Variants in ERGIC1 observed in about 807,000 individuals in gnomAD.
ERGIC1 encodes endoplasmic reticulum-golgi intermediate compartment 1.
ERGIC1 carries 19 observed loss-of-function variants against 38.3 expected under a neutral mutation model. That is an observed-to-expected ratio of 0.50 (90% CI 0.35 to 0.73). The LOEUF (loss-of-function observed/expected upper bound fraction) is 0.73, where lower values mean the gene tolerates loss of function less well. ERGIC1 is among the 30% of genes least tolerant of loss of function. The pLI is 0.01. For synonymous variants in ERGIC1, 124 were observed against 157.6 expected (o/e 0.79, Z 1.60); for missense variants, 294 against 389.2 (o/e 0.76, Z 2.06).
intron 7 of ERGIC1, 97 bp from the exon 8 acceptor site, chr5:172,932,339 C>A: frequency 1.6e-6 from 2 of 1,235,736 alleles, no homozygotes; most frequent in Non-Finnish European, 2.3e-6. Flanking sequence ...AGCCCCCTGC[C>A]GTGCCCAGGG....
In ERGIC1 at chr5:172,952,141, C is replaced by T. The variant is rs1764244206; in HGVS notation, c.*1325C>T. ...TGCCCTCATGTCCCAGGGAGAGAGC[C>T]ACACGCCTGTTTTCCATTTATAGCA... On this transcript the variant is annotated 3_prime_UTR_variant, in exon 10 of 10. Transcript: ENST00000393784. 6.6e-6 allele frequency: 1 copy of T among 152,196 alleles called. No homozygotes were observed. The highest frequency in any genetic ancestry group is 1.5e-5 in the Non-Finnish European group (1 of 68,046). The allele number at this position is 152,196 out of a possible 1,614,324, so 9.4% of individuals were successfully genotyped here. A position where few individuals can be genotyped will look rare whatever the true frequency, so the allele number is the denominator to read the frequency against.
At chr5:172,855,483 C>T (rs1761523882) in intron 1 of ERGIC1, among the ~76,000 whole-genome samples, 1 of 152,204 alleles carries the variant, frequency 6.6e-6, no homozygotes, top group African/African-American at 2.4e-5. Flanking sequence ...CTGGCTGACC[C>T]CACAGACATG....
In ERGIC1 at chr5:172,926,630, G is replaced by A; in HGVS notation, c.541+61G>A. On this transcript the variant is annotated intron_variant, in intron 7 of 9. Coordinates refer to ENST00000393784, the MANE Select transcript of ERGIC1 (RefSeq NM_001031711.3). This position sits in a 1 kb window ranked among gnomAD's most constrained non-coding sequence, Gnocchi z 5.2. ...AGATGCCCAGTACAGCAGGCAGGGA[G>A]GGGGAGGGCAGAGAGGTGGGGGTGC... 6.9e-6 allele frequency: 11 copies of A among 1,588,868 alleles called. No homozygotes were observed. The South Asian group carries it at 9.9e-5, about 14-fold the overall frequency.
At chr5:172,857,094 C>T (rs774679358) in intron 1 of ERGIC1, among the ~76,000 whole-genome samples, 8 of 152,186 alleles carry the variant, frequency 5.3e-5, no homozygotes, top group Non-Finnish European at 7.3e-5. Flanking sequence ...ACATGATGTA[C>T]GCTGAAGTTC....
chr5:172,859,919 A>G (rs958488676), intron 1 of ERGIC1, among the ~76,000 whole-genome samples: 1 of 152,068 alleles, frequency 6.6e-6, no homozygotes, highest in Non-Finnish European at 1.5e-5. Context: ...TATTTTTCCA[A>G]CTGTTTCTTG....
intron 5 of ERGIC1, among the ~76,000 whole-genome samples, chr5:172,920,744 G>A (rs200356225): frequency 1.3e-5 from 2 of 152,176 alleles, no homozygotes; most frequent in Non-Finnish European, 2.9e-5. Flanking sequence ...CGGAGCACGC[G>A]GCCCAGGCCC....
chr5:172,945,347 T>C (rs1309991129), intron 9 of ERGIC1, among the ~76,000 whole-genome samples: 1 of 152,200 alleles, frequency 6.6e-6, no homozygotes, highest in East Asian at 1.9e-4. Flanking sequence ...TTAGAGTGCG[T>C]GGGCCCCCAG....
chr5:172,925,230 T>A lies in ERGIC1; in HGVS notation c.480+1121T>A, dbSNP rs2113454592. ...TCCAGCCTGGGAGAAAGAGTAAGAC[T>A]CCTCCCAAAAAAAGAAAAAATAAAA... On this transcript the variant is annotated intron_variant, in intron 6 of 9. Transcript: ENST00000393784. Among the ~76,000 whole-genome samples the A allele has an allele frequency of 2.0e-5, 3 of 150,778 alleles. No individual in the cohort carries two copies. In the South Asian group the frequency reaches 6.4e-4, roughly 32 times the overall value.
chr5:172,886,444 C>T (rs887246077), intron 1 of ERGIC1, among the ~76,000 whole-genome samples: 1 of 152,136 alleles, frequency 6.6e-6, no homozygotes, highest in African/African-American at 2.4e-5. Flanking sequence ...TAATCCAGCA[C>T]CTCGTGATGA....
At chr5:172,858,364 G>A (rs1159325082) in intron 1 of ERGIC1, among the ~76,000 whole-genome samples, 1 of 152,222 alleles carries the variant, frequency 6.6e-6, no homozygotes, top group Admixed American at 6.5e-5. Context: ...CCCTTACAGG[G>A]TGGTGAGCAG....
At chr5:172,860,806 G>A (rs752576035) in intron 1 of ERGIC1, among the ~76,000 whole-genome samples, 2 of 152,180 alleles carry the variant, frequency 1.3e-5, no homozygotes, top group African/African-American at 2.4e-5. Flanking sequence ...TGTTAGCCAC[G>A]CCTGTGTTTC....
At chr5:172,939,694 T>A (rs959583325) in intron 9 of ERGIC1, among the ~76,000 whole-genome samples, 1 of 152,228 alleles carries the variant, frequency 6.6e-6, no homozygotes, top group Non-Finnish European at 1.5e-5. Context: ...ATCATTAGCC[T>A]GGTGGTTCTT....
At chr5:172,888,335 C>G (rs1175129543) in intron 1 of ERGIC1, among the ~76,000 whole-genome samples, 1 of 152,094 alleles carries the variant, frequency 6.6e-6, no homozygotes, top group Non-Finnish European at 1.5e-5. Context: ...TGGCACATGC[C>G]CGTAGTCCCA....
Position 172,927,394 on chromosome 5 carries a change from C to T in ERGIC1, c.541+825C>T, listed in dbSNP as rs533262128. On this transcript the variant is annotated intron_variant, in intron 7 of 9. Coordinates refer to ENST00000393784, the MANE Select transcript of ERGIC1 (RefSeq NM_001031711.3). ...TCTGTGACCTGCCCCCCCGACAAATCGAACCTCATTTTTCTGTGTCCCTGT... is the reference window on the plus strand; with the variant it reads ...TCTGTGACCTGCCCCCCCGACAAATTGAACCTCATTTTTCTGTGTCCCTGT... 3.7e-3 allele frequency among the ~76,000 whole-genome samples: 560 copies of T among 152,284 alleles called. 3 individuals are homozygous for T. Among genetic ancestry groups the T allele is most frequent in the Middle Eastern group, 6.8e-3 (2 of 294 alleles).
intron 3 of ERGIC1, among the ~76,000 whole-genome samples, chr5:172,909,272 A>AT (rs1380710178): frequency 7.0e-6 from 1 of 143,808 alleles, no homozygotes; most frequent in Non-Finnish European, 1.5e-5. Context: ...TGGGTTCGTG[A>AT]TTTTCAGCCT....
intron 3 of ERGIC1, chr5:172,905,388 C>A (rs947378082): frequency 6.4e-5 from 30 of 466,676 alleles, no homozygotes; most frequent in Non-Finnish European, 1.3e-4. Context: ...GCCGATCCTC[C>A]TCGGGCCTGT....
Position 172,837,896 on chromosome 5 carries a change from C to A in ERGIC1, c.20+3463C>A, listed in dbSNP as rs1761073107. ...GTAGCACCTGCTGCCTTCTGCACAC[C>A]AGCCCAGGGTGGGTGAGGAGGGAAG... On this transcript the variant is annotated intron_variant, in intron 1 of 9. Transcript: ENST00000393784. The surrounding 1 kb of genome is among the most constrained non-coding windows in gnomAD (Gnocchi z 4.3). 6.6e-6 allele frequency among the ~76,000 whole-genome samples: 1 copy of A among 152,206 alleles called. No individual in the cohort carries two copies. The highest frequency in any genetic ancestry group is 2.1e-4 in the South Asian group (1 of 4,836).
chr5:172,875,001 C>T (rs2113187978), intron 1 of ERGIC1, among the ~76,000 whole-genome samples: 1 of 151,702 alleles, frequency 6.6e-6, no homozygotes, highest in Non-Finnish European at 1.5e-5. Context: ...TGAAAATAGA[C>T]TTAAGTAAGG....
At chr5:172,932,615 A>C in intron 8 of ERGIC1, 79 bp downstream of exon 8, 1 of 1,399,762 alleles carries the variant, frequency 7.1e-7, no homozygotes, top group Non-Finnish European at 1.0e-6. Flanking sequence ...AGGCGGCTGC[A>C]CCGACGCACT....
Sources: gnomAD v4.1 joint callset for allele counts (sites outside exome capture counted in the v4.1 genomes callset) on GRCh38, gnomAD v4.1.1 for gene constraint, Gnocchi (gnomAD v3.1) non-coding constraint, MANE v1.5 for transcripts, NCBI Gene and HGNC (gene_info 2026-07-23, HGNC 2026-07-21) for gene names.